Variants in EPB41 observed in about 807,000 individuals in gnomAD.
EPB41 encodes the protein erythrocyte membrane protein band 4.1, also known as protein 4.1.
EPB41 carries 65 observed loss-of-function variants against 108.0 expected under a neutral mutation model. The ratio of observed to expected loss-of-function variants is 0.60; its 90% CI spans 0.49 to 0.74. EPB41 has a LOEUF of 0.74. Among genes scored for constraint, EPB41 ranks in the 30% least tolerant of loss-of-function variants. The pLI, the probability that EPB41 is intolerant of heterozygous loss-of-function variation, is 0.00. For synonymous variants in EPB41, 336 were observed against 358.9 expected (o/e 0.94, Z 0.72); for missense variants, 875 against 1,037.0 (o/e 0.84, Z 2.15).
At chr1:28,896,193 G>T (rs1175391770) in intron 1 of EPB41, among the ~76,000 whole-genome samples, 1 of 152,180 alleles carries the variant, frequency 6.6e-6, no homozygotes, top group Non-Finnish European at 1.5e-5. Flanking sequence ...TAAATAGTGA[G>T]GCACATGGTG....
In EPB41 at chr1:29,053,142, A is replaced by C. The variant is rs1333019840; in HGVS notation, c.1675A>C (p.Thr559Pro). Reference sequence around the variant, plus strand: ...TTCGGCAGACCGAAGTCCTCGGCCCACTTCTGCACCTGCCATTACTCAGGG... The same window carrying C: ...TTCGGCAGACCGAAGTCCTCGGCCCCCTTCTGCACCTGCCATTACTCAGGG... ...VDSADRSPRP[T>P]SAPAITQGQV... Residue 559 changes from threonine to proline, a missense_variant, in exon 12 of 21, where the codon ACT becomes CCT. Around this residue, in one of 3 missense-constraint regions of EPB41, gnomAD observed 519 missense variants for 627.3 expected, o/e 0.83. Transcript: ENST00000343067. 1 of 1,614,158 alleles carries C rather than the reference A, an allele frequency of 6.2e-7. No homozygotes were observed. The highest frequency in any genetic ancestry group is 2.2e-5 in the East Asian group (1 of 44,874).
At chr1:28,936,924 G>A (rs1296282065) in intron 1 of EPB41, among the ~76,000 whole-genome samples, 1 of 152,152 alleles carries the variant, frequency 6.6e-6, no homozygotes, top group East Asian at 1.9e-4. Context: ...TTGTGGATAT[G>A]TAACTAGGAG....
At chr1:29,099,249 C>T (rs1398892074) in intron 17 of EPB41, among the ~76,000 whole-genome samples, 2 of 145,242 alleles carry the variant, frequency 1.4e-5, no homozygotes, top group African/African-American at 5.2e-5. Flanking sequence ...TGCAGTGAGC[C>T]GAGATTGCTC....
At chr1:29,028,565 A>G (rs558578967) in intron 7 of EPB41, among the ~76,000 whole-genome samples, 2 of 152,202 alleles carry the variant, frequency 1.3e-5, no homozygotes, top group African/African-American at 4.8e-5. Context: ...CTGGCTGGCC[A>G]CTTACAAGTA....
Position 29,035,879 on chromosome 1 carries a change from T to A in EPB41, c.1419T>A (p.Ala473=), listed in dbSNP as rs200589651. Residue 473 remains alanine, a synonymous_variant, in exon 10 of 21, where the codon GCT becomes GCA. Coordinates refer to ENST00000343067, the MANE Select transcript of EPB41 (RefSeq NM_001376013.1). ...TCAAACTTCCCAGTTACCGAGCAGCTAAGAAATTATGGAAAGTCTGTGTAG... is the reference window on the plus strand; with the variant it reads ...TCAAACTTCCCAGTTACCGAGCAGCAAAGAAATTATGGAAAGTCTGTGTAG... ...IGFKLPSYRA[A]KKLWKVCVEH... 15 of 1,614,080 alleles carry A rather than the reference T, an allele frequency of 9.3e-6. No individual in the cohort carries two copies. The African/African-American group carries it at 1.7e-4, about 19-fold the overall frequency.
intron 1 of EPB41, among the ~76,000 whole-genome samples, chr1:28,945,951 G>A (rs2094473854): frequency 6.6e-6 from 1 of 152,184 alleles, no homozygotes; most frequent in African/African-American, 2.4e-5. Flanking sequence ...ACTAGCCAGA[G>A]TATCCCAACT....
At chr1:28,890,772 C>T (rs2090033291) in intron 1 of EPB41, 1 of 249,102 alleles carries the variant, frequency 4.0e-6, no homozygotes, top group Non-Finnish European at 6.4e-6. Flanking sequence ...ACAGACTTGA[C>T]CAAAGTCACA....
intron 4 of EPB41, among the ~76,000 whole-genome samples, chr1:29,000,844 A>G (rs1331137519): frequency 1.3e-5 from 2 of 150,986 alleles, no homozygotes; most frequent in African/African-American, 4.9e-5. Flanking sequence ...TTTTTTTTTA[A>G]TTTTTATTTT....
intron 16 of EPB41, among the ~76,000 whole-genome samples, chr1:29,082,274 G>A (rs112371672): frequency 0.046 from 6,951 of 151,960 alleles, 227 homozygotes; most frequent in Non-Finnish European, 0.07. Flanking sequence ...ACAGACACCC[G>A]CCACCACGCC....
rs1200214065 is a variant in EPB41 at position 29,015,751 on chromosome 1, A to G, written c.889A>G (p.Thr297Ala). ...KFYPPDPAQL[T>A]EDITRYYLCL... ...TTATCCACCTGACCCAGCACAGTTA[A>G]CAGAAGACATAACAAGGTAAATAAG... Residue 297 changes from threonine (T) to alanine (A), a missense_variant, in exon 6 of 21, where the codon ACA becomes GCA. Transcript: ENST00000343067. The G allele has an allele frequency of 1.2e-6, 2 of 1,601,208 alleles. No individual in the cohort carries two copies. Among genetic ancestry groups the G allele is most frequent in the East Asian group, 2.2e-5 (1 of 44,740 alleles).
At position 28,987,723 on chromosome 1, in the gene EPB41, G is replaced by T. The variant is rs781461033; in HGVS notation, c.286G>T (p.Glu96Ter). The T allele has an allele frequency of 1.4e-5, 23 of 1,614,190 alleles. No individual in the cohort carries two copies. The highest frequency in any genetic ancestry group is 1.7e-5 in the Non-Finnish European group (20 of 1,180,048). ...CAAAAGGCCCAAATCTCAGGTGTCC[G>T]AGGAAGAAGGCAAAGAAGTAGAGTC... ...FLKRPKSQVS[E>*]EEGKEVESDK... Residue 96 changes from glutamate to a stop codon, truncating the protein, a stop_gained, in exon 2 of 21, where the codon GAG becomes TAG. Coordinates refer to ENST00000343067, the MANE Select transcript of EPB41 (RefSeq NM_001376013.1). LOFTEE classifies it high-confidence loss of function.
At chr1:28,910,081 C>G (rs1317126423), upstream of EPB41, among the ~76,000 whole-genome samples, 1 of 144,608 alleles carries the variant, frequency 6.9e-6, no homozygotes, top group African/African-American at 2.7e-5. Context: ...AGTGAGACCA[C>G]TGTCTCAAAA....
chr1:28,995,493 T>C (rs1333272636), intron 3 of EPB41, among the ~76,000 whole-genome samples: 2 of 152,078 alleles, frequency 1.3e-5, no homozygotes, highest in Admixed American at 6.5e-5. Flanking sequence ...ACCCAGGAGG[T>C]AGAGGTTGCA....
At chr1:28,976,855 T>C (rs1282960302) in intron 1 of EPB41, among the ~76,000 whole-genome samples, 2 of 152,182 alleles carry the variant, frequency 1.3e-5, no homozygotes, top group East Asian at 3.9e-4. Flanking sequence ...CTCAAAGCAT[T>C]ATTTATTTAT....
chr1:29,043,184 G>A (rs1462389442), intron 11 of EPB41, among the ~76,000 whole-genome samples: 1 of 152,126 alleles, frequency 6.6e-6, no homozygotes, highest in African/African-American at 2.4e-5. Flanking sequence ...ACAGGATGAG[G>A]GATATAGACT....
chr1:28,951,361 T>TAC (rs58546363), intron 1 of EPB41, among the ~76,000 whole-genome samples: 3,713 of 142,986 alleles, frequency 0.026, 45 homozygotes, highest in Middle Eastern at 0.035. Context: ...CCCTGTGTCT[T>TAC]ACACACACAC....
chr1:29,087,312 ACT>A (rs908501063), intron 16 of EPB41, among the ~76,000 whole-genome samples: 1 of 151,678 alleles, frequency 6.6e-6, no homozygotes, highest in African/African-American at 2.4e-5. Context: ...AAAGAAATAG[ACT>A]CTGGATTGCA....
At chr1:29,021,530 T>C (rs1276093466) in intron 7 of EPB41, among the ~76,000 whole-genome samples, 2 of 152,134 alleles carry the variant, frequency 1.3e-5, no homozygotes, top group Non-Finnish European at 2.9e-5. Context: ...AACAGTTGTC[T>C]CAAGGAAAAG....
chr1:29,060,619 C>T, intron 15 of EPB41, 135 bp downstream of exon 15: 1 of 733,980 alleles, frequency 1.4e-6, no homozygotes, highest in Non-Finnish European at 2.4e-6. Flanking sequence ...GTTTAAAATG[C>T]TTTTGCATGT....
Sources: allele counts gnomAD v4.1 joint callset (sites outside exome capture counted in the v4.1 genomes callset), GRCh38; gene constraint gnomAD v4.1.1; regional missense constraint gnomAD v4.1.1; transcripts MANE v1.5; gene names NCBI Gene and HGNC (gene_info 2026-07-23, HGNC 2026-07-21).